The following PPM1H variants were observed in gnomAD, a reference collection of about 807,000 sequenced individuals.
The protein encoded by PPM1H is protein phosphatase 1H.
A neutral mutation model predicts 54.9 loss-of-function variants in PPM1H; 27 were observed. That is an observed-to-expected ratio of 0.49 (90% CI 0.36 to 0.68). PPM1H has a LOEUF of 0.68. Ranked by LOEUF, PPM1H falls within the 30% of genes least tolerant of loss-of-function variation. PPM1H has a pLI of 0.00. For missense variants in PPM1H, 596 were observed against 667.8 expected (o/e 0.89, Z 1.19); for synonymous variants, 305 against 270.8 (o/e 1.13, Z -1.24).
chr12:62,741,936 C>G (rs1389589126), intron 4 of PPM1H, among the ~76,000 whole-genome samples: 1 of 151,974 alleles, frequency 6.6e-6, no homozygotes, highest in Admixed American at 6.6e-5. Flanking sequence ...ATAGTCTGAG[C>G]CCTTAAAAAT....
chr12:62,652,435 A>G (rs2136594812), intron 9 of PPM1H, among the ~76,000 whole-genome samples: 1 of 152,362 alleles, frequency 6.6e-6, no homozygotes, highest in South Asian at 2.1e-4. Flanking sequence ...AATTAAAACA[A>G]AATCCATATA....
chr12:62,689,583 TG>T, intron 8 of PPM1H, 115 bp downstream of exon 8: 1 of 688,460 alleles, frequency 1.5e-6, no homozygotes, highest in Non-Finnish European at 2.5e-6. Context: ...AGAGATACAG[TG>T]GAAGTACATA....
chr12:62,878,603 T>G (rs1870266794), intron 1 of PPM1H, among the ~76,000 whole-genome samples: 1 of 146,340 alleles, frequency 6.8e-6, no homozygotes, highest in Non-Finnish European at 1.5e-5. Flanking sequence ...TTCTAAGATT[T>G]TGTTTGAAAC....
chr12:62,652,306 G>A (rs1198553580), intron 9 of PPM1H, among the ~76,000 whole-genome samples: 1 of 152,130 alleles, frequency 6.6e-6, no homozygotes, highest in Non-Finnish European at 1.5e-5. Flanking sequence ...TTGAAGTCTT[G>A]GGGTCAAGTG....
At chr12:62,882,345 G>A (rs1369217561) in intron 1 of PPM1H, among the ~76,000 whole-genome samples, 1 of 152,258 alleles carries the variant, frequency 6.6e-6, no homozygotes, top group African/African-American at 2.4e-5. Flanking sequence ...TGTGGTGAGA[G>A]GTATAACAGG....
At chr12:62,722,449 A>G (rs2076269038) in intron 5 of PPM1H, among the ~76,000 whole-genome samples, 1 of 152,224 alleles carries the variant, frequency 6.6e-6, no homozygotes, top group African/African-American at 2.4e-5. Context: ...TCATTCGCCC[A>G]AGACTGGGTG....
intron 2 of PPM1H, among the ~76,000 whole-genome samples, chr12:62,829,785 A>G (rs1328118696): frequency 2.0e-5 from 3 of 152,184 alleles, no homozygotes; most frequent in Non-Finnish European, 2.9e-5. Flanking sequence ...CCCCAGCTCC[A>G]TTTCTAGAAG....
In PPM1H at chr12:62,686,031, G is replaced by A. The variant is rs550357011; in HGVS notation, c.1245+3668C>T. 9.2e-5 allele frequency among the ~76,000 whole-genome samples: 14 copies of A among 152,292 alleles called. No individual in the cohort carries two copies. The South Asian group carries it at 2.9e-3, about 32-fold the overall frequency. ...TAAGAGCATTTAAATTTTTGCAGAG[G>A]TTGACAGTTTCATTCTAAATCCTCT... On this transcript the variant is annotated intron_variant, in intron 8 of 9. Coordinates refer to ENST00000228705, the MANE Select transcript of PPM1H (RefSeq NM_020700.2).
chr12:62,891,104 C>CAAAAAAA (rs71450596), intron 1 of PPM1H, among the ~76,000 whole-genome samples: 6 of 76,098 alleles, frequency 7.9e-5, no homozygotes, highest in African/African-American at 2.5e-4. Context: ...GCAAGACTCT[C>CAAAAAAA]AAAAAAAAAA....
chr12:62,653,638 TA>T (rs1442262753), intron 9 of PPM1H, among the ~76,000 whole-genome samples: 1 of 152,232 alleles, frequency 6.6e-6, no homozygotes, highest in African/African-American at 2.4e-5. Context: ...TGAAGAAGAA[TA>T]AGTGCTTCTT....
intron 2 of PPM1H, among the ~76,000 whole-genome samples, chr12:62,813,101 A>G (rs1467361166): frequency 1.3e-5 from 2 of 152,114 alleles, no homozygotes; most frequent in African/African-American, 2.4e-5. Flanking sequence ...TGGAGTGCCA[A>G]CTGAGAAGGA....
intron 1 of PPM1H, among the ~76,000 whole-genome samples, chr12:62,894,336 G>A (rs1190951281): frequency 6.6e-6 from 1 of 152,158 alleles, no homozygotes; most frequent in African/African-American, 2.4e-5. Flanking sequence ...GGGATAAAAG[G>A]CAAGGGCAAG....
chr12:62,881,788 A>ATATG (rs1462705588), intron 1 of PPM1H, among the ~76,000 whole-genome samples: 1 of 152,166 alleles, frequency 6.6e-6, no homozygotes. Context: ...AACAGGGTCA[A>ATATG]TGCCTTAGTT....
intron 1 of PPM1H, among the ~76,000 whole-genome samples, chr12:62,872,703 C>A (rs1362988888): frequency 6.6e-6 from 1 of 152,126 alleles, no homozygotes; most frequent in Non-Finnish European, 1.5e-5. Context: ...TCAAAATATA[C>A]TACCCTTAGA....
chr12:62,767,540 T>C (rs897813135), intron 4 of PPM1H, among the ~76,000 whole-genome samples: 1 of 152,214 alleles, frequency 6.6e-6, no homozygotes, highest in Non-Finnish European at 1.5e-5. Flanking sequence ...AAGGTCTGAT[T>C]GGCTTGGGCA....
intron 4 of PPM1H, chr12:62,755,640 G>T: frequency 1.5e-6 from 1 of 655,204 alleles, no homozygotes; most frequent in Non-Finnish European, 2.8e-6. Context: ...AGCATGAGAA[G>T]TAATGACAAC....
At chr12:62,805,560 A>C (rs2076801176) in intron 2 of PPM1H, among the ~76,000 whole-genome samples, 1 of 152,220 alleles carries the variant, frequency 6.6e-6, no homozygotes, top group African/African-American at 2.4e-5. Flanking sequence ...AACATGAATG[A>C]ACCTGGAGGG....
intron 1 of PPM1H, among the ~76,000 whole-genome samples, chr12:62,911,077 C>T (rs1029842512): frequency 5.9e-5 from 9 of 152,106 alleles, no homozygotes; most frequent in Non-Finnish European, 8.8e-5. Context: ...CTTCCCAAGG[C>T]CTAGAAAGCA....
At chr12:62,805,767 C>T (rs1021997027) in intron 2 of PPM1H, among the ~76,000 whole-genome samples, 1 of 152,028 alleles carries the variant, frequency 6.6e-6, no homozygotes, top group Non-Finnish European at 1.5e-5. Context: ...TTCTGGGGAT[C>T]GAATGTACAG....
Sources: gnomAD v4.1 joint callset for allele counts (sites outside exome capture counted in the v4.1 genomes callset) on GRCh38, gnomAD v4.1.1 for gene constraint, MANE v1.5 for transcripts, NCBI Gene and HGNC (gene_info 2026-07-23, HGNC 2026-07-21) for gene names.